Variants in CCDC171 observed in about 807,000 individuals in gnomAD.
CCDC171 encodes the protein coiled-coil domain containing 171.
CCDC171 carries 177 observed loss-of-function variants against 168.2 expected under a neutral mutation model. The observed-to-expected ratio is 1.05, with a 90% CI of 0.93 to 1.19. The LOEUF is 1.19. Among genes scored for constraint, CCDC171 ranks in the 50% most tolerant of loss-of-function variants. The pLI is 0.00. For missense variants in CCDC171, 1,991 were observed against 1,539.0 expected (o/e 1.29, Z -4.91); for synonymous variants, 687 against 540.8 (o/e 1.27, Z -3.75).
At chr9:16,093,825 C>T in the CCDC171 span, among the ~76,000 whole-genome samples, 1 of 152,162 alleles carries the variant, frequency 6.6e-6, no homozygotes, top group Admixed American at 6.5e-5. Context: ...GACCCATATG[C>T]CACAACTAGC....
At chr9:15,581,351 C>T (rs2041100532) in intron 4 of CCDC171, among the ~76,000 whole-genome samples, 1 of 152,146 alleles carries the variant, frequency 6.6e-6, no homozygotes, top group African/African-American at 2.4e-5. Context: ...AATGGCCATA[C>T]TGCCCAAAGT....
chr9:15,728,421 C>G (rs959101912), intron 15 of CCDC171, among the ~76,000 whole-genome samples: 1 of 152,096 alleles, frequency 6.6e-6, no homozygotes, highest in Non-Finnish European at 1.5e-5. Context: ...TATAGTTATT[C>G]AAAAACATGA....
rs371703192 is a variant in CCDC171 at position 15,721,755 on chromosome 9, A to T, written c.1319-14A>T. 1 of 1,483,988 alleles carries T rather than the reference A, an allele frequency of 6.7e-7. No homozygotes were observed. The highest frequency in any genetic ancestry group is 2.5e-5 in the East Asian group (1 of 40,184). 91.9% of individuals were successfully genotyped at this position (1,483,988 alleles called of 1,614,324 possible). A position where few individuals can be genotyped will look rare whatever the true frequency, so the allele number is the denominator to read the frequency against. ...GACTTTAAGGGTATATTTTCATCCT[A>T]TATTTTTCTCTAGGCATCCACAAGG... On this transcript the variant is annotated splice_polypyrimidine_tract_variant and intron_variant, in intron 11 of 25. Coordinates refer to ENST00000380701, the MANE Select transcript of CCDC171 (RefSeq NM_173550.4).
downstream of CCDC171, among the ~76,000 whole-genome samples, chr9:16,062,052 A>G (rs184508056): frequency 5.9e-5 from 9 of 152,302 alleles, no homozygotes; most frequent in Admixed American, 2.0e-4. Context: ...CTTCATTTTA[A>G]CAATCCACTC....
In CCDC171 at chr9:15,911,100, A is replaced by G. The variant is rs1823562921; in HGVS notation, c.3601-9170A>G. 3.9e-5 allele frequency among the ~76,000 whole-genome samples: 6 copies of G among 152,204 alleles called. No individual in the cohort carries two copies. In the South Asian group the frequency reaches 1.2e-3, roughly 32 times the overall value. On this transcript the variant is annotated intron_variant, in intron 24 of 25. Coordinates refer to ENST00000380701, the MANE Select transcript of CCDC171 (RefSeq NM_173550.4). ...TGGGTCAAATGGTATTTCTAGTTCT[A>G]GATCCTTGAGGAATCACCAGACTGT... is the stretch of plus-strand genomic sequence containing the variant.
intron 11 of CCDC171, among the ~76,000 whole-genome samples, 165 bp from the exon 12 acceptor site, chr9:15,721,604 T>TTGAATAGA (rs754222275): frequency 6.8e-6 from 1 of 146,256 alleles, no homozygotes; most frequent in African/African-American, 2.5e-5. Context: ...AATAAAATTC[T>TTGAATAGA]ATTCAAGAAT....
At chr9:16,051,927 C>G (rs1033246716) in intron 1 of CCDC171, among the ~76,000 whole-genome samples, 12 of 152,196 alleles carry the variant, frequency 7.9e-5, no homozygotes, top group African/African-American at 2.9e-4. Flanking sequence ...AAAGTCACGT[C>G]TTACACAGTG....
chr9:15,798,054 G>A (rs116943196), intron 21 of CCDC171, among the ~76,000 whole-genome samples: 1,764 of 152,134 alleles, frequency 0.012, 18 homozygotes, highest in Middle Eastern at 0.031. Flanking sequence ...GCCTTTATAG[G>A]ATGCCTTGGA....
At chr9:15,989,344 C>T (rs1201182772) in intron 3 of CCDC171, among the ~76,000 whole-genome samples, 1 of 152,162 alleles carries the variant, frequency 6.6e-6, no homozygotes, top group African/African-American at 2.4e-5. Flanking sequence ...CAGCAAACTC[C>T]AACAGACCTG....
At chr9:16,057,284 A>C (rs1266794135) in intron 1 of CCDC171, among the ~76,000 whole-genome samples, 1 of 152,240 alleles carries the variant, frequency 6.6e-6, no homozygotes, top group Non-Finnish European at 1.5e-5. Flanking sequence ...AGCAAAATCA[A>C]AGCCTCTTAG....
intron 24 of CCDC171, among the ~76,000 whole-genome samples, chr9:15,904,195 G>A (rs1015197927): frequency 7.9e-5 from 12 of 152,038 alleles, no homozygotes; most frequent in Non-Finnish European, 1.2e-4. Flanking sequence ...GATACTCCTC[G>A]AGAAGAGCAA....
chr9:15,579,437 C>T (rs1232916827), intron 4 of CCDC171, among the ~76,000 whole-genome samples: 1 of 152,240 alleles, frequency 6.6e-6, no homozygotes, highest in South Asian at 2.1e-4. Context: ...ATTGATTTTG[C>T]CAGGTTTAGA....
rs532774896 is a variant in CCDC171, at chr9:15,827,996, T to C, written c.3268-18706T>C. On this transcript the variant is annotated intron_variant, in intron 21 of 25. Coordinates refer to ENST00000380701, the MANE Select transcript of CCDC171 (RefSeq NM_173550.4). ...TTTCTTTCTTAGAAGTCTTCAATAG[T>C]AGGATTTCATGACAGAGTAAATGTA... Among the ~76,000 whole-genome samples the C allele has an allele frequency of 2.0e-5, 3 of 152,256 alleles. No individual in the cohort carries two copies. In the South Asian group the frequency reaches 6.2e-4, roughly 32 times the overall value.
chr9:15,854,156 T>C (rs1050958027), intron 23 of CCDC171, among the ~76,000 whole-genome samples: 1 of 150,982 alleles, frequency 6.6e-6, no homozygotes, highest in Admixed American at 6.6e-5. Flanking sequence ...TCATTTTTTT[T>C]CAAGAATTTG....
Position 15,583,590 on chromosome 9 carries a change from G to T in CCDC171, c.352+4567G>T, listed in dbSNP as rs149442360. Among the ~76,000 whole-genome samples the T allele has an allele frequency of 5.1e-4, 77 of 152,176 alleles. 1 individual carries two copies. The highest frequency in any genetic ancestry group is 1.8e-3 in the African/African-American group (73 of 41,524). On this transcript the variant is annotated intron_variant, in intron 4 of 25. Coordinates refer to ENST00000380701, the MANE Select transcript of CCDC171 (RefSeq NM_173550.4). ...GGGAGCTAAGCTATGAGTATGCAAA[G>T]GCATAAGAATGATATAATGGACTTT...
chr9:15,700,644 T>A (rs1192989626), intron 11 of CCDC171, among the ~76,000 whole-genome samples: 1 of 152,138 alleles, frequency 6.6e-6, no homozygotes, highest in South Asian at 2.1e-4. Context: ...TTATTTATTT[T>A]TTTTATTTTG....
chr9:15,859,513 C>T (rs772891305), intron 23 of CCDC171, among the ~76,000 whole-genome samples: 8 of 151,812 alleles, frequency 5.3e-5, no homozygotes, highest in Non-Finnish European at 8.8e-5. Flanking sequence ...GCCACCTGGT[C>T]CTGGGCTTTT....
intron 5 of CCDC171, 111 bp downstream of exon 5, chr9:15,591,667 C>T: frequency 3.1e-6 from 2 of 654,394 alleles, no homozygotes; most frequent in Admixed American, 3.5e-5. Context: ...CTTCCTCCTT[C>T]CTTCCTCCCT....
At chr9:15,977,909 T>C (rs915178687), downstream of CCDC171, among the ~76,000 whole-genome samples, 1 of 152,214 alleles carries the variant, frequency 6.6e-6, no homozygotes, top group Admixed American at 6.5e-5. Context: ...TGGAATTGTA[T>C]TGGATGCCTA....
Sources: allele counts gnomAD v4.1 joint callset (sites outside exome capture counted in the v4.1 genomes callset), GRCh38; gene constraint gnomAD v4.1.1; transcripts MANE v1.5; gene names NCBI Gene and HGNC (gene_info 2026-07-23, HGNC 2026-07-21).